The following SRGAP1 variants were observed in gnomAD, a reference collection of about 807,000 sequenced individuals.
SRGAP1 encodes the protein SLIT-ROBO Rho GTPase activating protein 1.
A neutral mutation model predicts 121.9 loss-of-function variants in SRGAP1; 43 were observed. The observed-to-expected ratio is 0.35, with a 90% confidence interval of 0.28 to 0.46. SRGAP1 has a LOEUF of 0.46. Among genes scored for constraint, SRGAP1 ranks in the 20% least tolerant of loss-of-function variants. The pLI is 1.00. For missense variants in SRGAP1, 1,102 were observed against 1,350.9 expected, an observed-to-expected ratio of 0.82 and a Z score of 2.89; for synonymous variants, 447 against 485.4, an observed-to-expected ratio of 0.92 and a Z score of 1.04.
intron 3 of SRGAP1, among the ~76,000 whole-genome samples, chr12:64,009,583 G>T (rs2034192961): frequency 6.6e-6 from 1 of 152,094 alleles, no homozygotes; most frequent in African/African-American, 2.4e-5. Flanking sequence ...TTTTCACCTG[G>T]ATGTAGAATA....
At chr12:64,034,022 T>C (rs1370564058) in intron 4 of SRGAP1, among the ~76,000 whole-genome samples, 5 of 152,284 alleles carry the variant, frequency 3.3e-5, no homozygotes, top group African/African-American at 1.2e-4. Flanking sequence ...AGTGAGACTC[T>C]GTCTCAATAA....
rs563943901 is a variant in SRGAP1, at chr12:63,869,757, G to T, written c.67+24874G>T. 2.0e-5 allele frequency among the ~76,000 whole-genome samples: 3 copies of T among 152,268 alleles called. No homozygotes were observed. The South Asian group carries it at 6.2e-4, about 32-fold the overall frequency. On this transcript the variant is annotated intron_variant, in intron 1 of 21. Transcript: ENST00000355086. The stretch of plus-strand genomic sequence containing the variant: ...TGTATGAAAGTTTGCTATTAGGTTG[G>T]TGCAAAAGTAATGGCAAAAACCAAT...
At chr12:64,134,933 G>A (rs1004244182) in intron 21 of SRGAP1, among the ~76,000 whole-genome samples, 3 of 152,330 alleles carry the variant, frequency 2.0e-5, no homozygotes, top group South Asian at 2.1e-4. Flanking sequence ...TATTAGTCTA[G>A]TTACAGGTCT....
chr12:63,950,091 A>C (rs1464935922), intron 1 of SRGAP1, among the ~76,000 whole-genome samples: 1 of 152,216 alleles, frequency 6.6e-6, no homozygotes. Context: ...GAACTTTGGC[A>C]ATAGGAACTT....
chr12:64,140,908 G>A (rs1191167651), intron 21 of SRGAP1, among the ~76,000 whole-genome samples: 14 of 126,842 alleles, frequency 1.1e-4, no homozygotes, highest in Non-Finnish European at 1.9e-4. Flanking sequence ...TTAAGAAAAT[G>A]TGGCACATAT....
At position 64,150,339 on chromosome 12, in the gene SRGAP1, T is replaced by C. The variant is rs2037104446; in HGVS notation, c.*7667T>C. 1 of 152,202 alleles carries C rather than the reference T, an allele frequency of 6.6e-6. No homozygotes were observed. Among genetic ancestry groups the C allele is most frequent in the African/African-American group, 2.4e-5 (1 of 41,450 alleles). 9.4% of individuals were successfully genotyped at this position (152,202 alleles called of 1,614,324 possible). On this transcript the variant is annotated 3_prime_UTR_variant, in exon 22 of 22. Coordinates refer to ENST00000355086, the MANE Select transcript of SRGAP1 (RefSeq NM_020762.4). ...GGATGGATCCTTCACACCCAACAGC[T>C]GTCTATCAGGGGTGCTTCCGAGGGT...
chr12:64,115,815 G>A lies in SRGAP1; in HGVS notation c.2146G>A (p.Asp716Asn), dbSNP rs577679255. 4.1e-5 allele frequency: 66 copies of A among 1,612,606 alleles called. No individual in the cohort carries two copies. The highest frequency in any genetic ancestry group is 2.8e-4 in the Admixed American group (17 of 59,842). Residue 716 changes from aspartate to asparagine, a missense_variant and splice_region_variant, in exon 18 of 22, where the codon GAC (aspartate) becomes AAC (asparagine). Asp to Asn is a conservative substitution (Grantham distance 23). This residue lies in a region of SRGAP1 where 747 missense variants were observed against 929.4 expected (regional missense o/e 0.80). Coordinates refer to ENST00000355086, the MANE Select transcript of SRGAP1 (RefSeq NM_020762.4). ...EKCMAGDDYC[D>N]SPYSEHGTLE... ...TGAATTTCCATTTGTATTCTACAGC[G>A]ACAGCCCATACAGTGAGCACGGTAC...
chr12:64,050,178 C>G (rs1309547257), intron 6 of SRGAP1, among the ~76,000 whole-genome samples: 2 of 151,950 alleles, frequency 1.3e-5, no homozygotes, highest in Admixed American at 6.6e-5. Context: ...TTCTTGATTT[C>G]TTTTTCAGAT....
At chr12:64,116,522 G>T (rs538400549) in intron 18 of SRGAP1, among the ~76,000 whole-genome samples, 2 of 151,710 alleles carry the variant, frequency 1.3e-5, no homozygotes, top group East Asian at 1.9e-4. Context: ...TATATTTTTC[G>T]TGAGTTTTTT....
chr12:63,999,394 G>C (rs2033809777), intron 3 of SRGAP1, among the ~76,000 whole-genome samples: 1 of 152,152 alleles, frequency 6.6e-6, no homozygotes, highest in African/African-American at 2.4e-5. Flanking sequence ...TGGATTGAAA[G>C]ATAATAAGAC....
chr12:64,044,287 T>C (rs931461617), intron 6 of SRGAP1, among the ~76,000 whole-genome samples: 6 of 152,180 alleles, frequency 3.9e-5, no homozygotes, highest in African/African-American at 1.4e-4. Flanking sequence ...GTAATTGTGC[T>C]AACACTGTAA....
chr12:63,877,234 A>G (rs1025534303), intron 1 of SRGAP1, among the ~76,000 whole-genome samples: 6 of 152,172 alleles, frequency 3.9e-5, no homozygotes, highest in African/African-American at 1.4e-4. Flanking sequence ...CAAAAAAAGA[A>G]AGAGAAAATA....
In SRGAP1 at chr12:63,926,643, TTAAA is replaced by T. The variant is rs547692926; in HGVS notation, c.68-57299_68-57296del. 3.9e-5 allele frequency among the ~76,000 whole-genome samples: 6 copies of T among 152,342 alleles called. No individual in the cohort carries two copies. In the South Asian group the frequency reaches 6.2e-4, roughly 16 times the overall value. ...GATATATGTATACAATGTGGAATGA[TTAAA>T]TAAAGTTAATTAACATATCACCTCG... On this transcript the variant is annotated intron_variant, in intron 1 of 21. Coordinates refer to ENST00000355086, the MANE Select transcript of SRGAP1 (RefSeq NM_020762.4).
At chr12:63,947,463 G>T (rs901146839) in intron 1 of SRGAP1, among the ~76,000 whole-genome samples, 11 of 152,182 alleles carry the variant, frequency 7.2e-5, no homozygotes, top group Admixed American at 3.9e-4. Flanking sequence ...GGCCCATTTT[G>T]AGTTAATTTT....
chr12:63,874,299 G>A (rs1899957280), intron 1 of SRGAP1, among the ~76,000 whole-genome samples: 1 of 151,984 alleles, frequency 6.6e-6, no homozygotes, highest in Non-Finnish European at 1.5e-5. Context: ...CGCCTCCTGG[G>A]TTCACACCAT....
intron 4 of SRGAP1, among the ~76,000 whole-genome samples, chr12:64,030,601 A>G (rs2034754830): frequency 6.6e-6 from 1 of 152,228 alleles, no homozygotes; most frequent in South Asian, 2.1e-4. Flanking sequence ...TTTGAAAAAG[A>G]TGACTAATGC....
chr12:63,991,127 A>G (rs539467193), intron 3 of SRGAP1, among the ~76,000 whole-genome samples: 1 of 152,312 alleles, frequency 6.6e-6, no homozygotes, highest in African/African-American at 2.4e-5. Flanking sequence ...CAGTACGACT[A>G]GCGTTCATTT....
intron 2 of SRGAP1, among the ~76,000 whole-genome samples, chr12:63,985,354 G>A (rs1468860180): frequency 6.6e-6 from 1 of 152,162 alleles, no homozygotes; most frequent in East Asian, 1.9e-4. Flanking sequence ...TGAGTAGGGA[G>A]GCGATGAGCT....
chr12:64,100,428 A>G (rs748984405), intron 15 of SRGAP1, among the ~76,000 whole-genome samples: 1 of 152,216 alleles, frequency 6.6e-6, no homozygotes, highest in Non-Finnish European at 1.5e-5. Context: ...GAGATATCTC[A>G]TGTAAGGGTA....
Sources: gnomAD v4.1 joint callset for allele counts (sites outside exome capture counted in the v4.1 genomes callset) on GRCh38, gnomAD v4.1.1 for gene constraint, gnomAD v4.1.1 regional missense constraint, MANE v1.5 for transcripts, NCBI Gene and HGNC (gene_info 2026-07-23, HGNC 2026-07-21) for gene names.